Variants in ABCA12 observed in about 807,000 individuals in gnomAD.
ABCA12 encodes ATP binding cassette subfamily A member 12, also known as glucosylceramide transporter ABCA12.
Under a neutral mutation model 293.5 loss-of-function variants are expected in ABCA12, and 156 were observed. The observed-to-expected ratio is 0.53, with a 90% CI of 0.47 to 0.61. The LOEUF (loss-of-function observed/expected upper bound fraction) is 0.61, where lower values mean the gene tolerates loss of function less well. ABCA12 is among the 20% of genes least tolerant of loss of function. The pLI, the probability that ABCA12 is intolerant of heterozygous loss-of-function variation, is 0.00. For synonymous variants in ABCA12, 1,063 were observed against 1,108.0 expected, an observed-to-expected ratio of 0.96 and a Z score of 0.81; for missense variants, 2,797 against 3,090.2, an observed-to-expected ratio of 0.91 and a Z score of 2.25.
chr2:215,070,923 A>G (rs976036469), intron 2 of ABCA12, among the ~76,000 whole-genome samples: 26 of 152,106 alleles, frequency 1.7e-4, no homozygotes, highest in Non-Finnish European at 3.1e-4. Context: ...GCTCACACCT[A>G]TACTCTCGCA....
rs556845354 is a variant in ABCA12, at chr2:214,976,031, A to G, written c.5135T>C (p.Ile1712Thr). ...ATCCAGCCTCTCTCCTCTTGTCAGG[A>G]TTTTGTCTGATTAAGAAAAAGAGAT... ...SSNFTDRDDKILTRGERLDGF... is the reference protein window; with the variant it reads ...SSNFTDRDDKTLTRGERLDGF... The change falls in exon 34 of 53, where the codon ATC becomes ACC. Residue 1712 changes from isoleucine (I) to threonine (T), a missense_variant. Ile to Thr is a moderately conservative substitution (Grantham distance 89). This residue lies in a region of ABCA12 where 2,130 missense variants were observed against 2,427.0 expected (regional missense o/e 0.88). Coordinates refer to ENST00000272895, the MANE Select transcript of ABCA12 (RefSeq NM_173076.3). 11 of 1,613,994 alleles carry G rather than the reference A, an allele frequency of 6.8e-6. No individual in the cohort carries two copies. The South Asian group carries it at 1.1e-4, about 16-fold the overall frequency.
chr2:214,983,423 A>G (rs1699713795), intron 29 of ABCA12, among the ~76,000 whole-genome samples: 2 of 152,222 alleles, frequency 1.3e-5, no homozygotes, highest in African/African-American at 4.8e-5. Flanking sequence ...TCGGGGCAAT[A>G]TGGGAGCCAC....
intron 9 of ABCA12, chr2:215,030,064 A>G (rs1169316404): frequency 6.6e-6 from 1 of 152,210 alleles, no homozygotes; most frequent in East Asian, 1.9e-4. Flanking sequence ...ATCAATCACA[A>G]CAAGAGCCAA....
chr2:215,114,612 C>T (rs753030933), intron 1 of ABCA12, among the ~76,000 whole-genome samples: 1 of 152,098 alleles, frequency 6.6e-6, no homozygotes, highest in Non-Finnish European at 1.5e-5. Flanking sequence ...GAAAGCATTA[C>T]AGAAAGTGTA....
At chr2:215,113,793 T>C (rs1184323895) in intron 1 of ABCA12, among the ~76,000 whole-genome samples, 2 of 152,216 alleles carry the variant, frequency 1.3e-5, no homozygotes, top group Non-Finnish European at 2.9e-5. Flanking sequence ...CACAGTGTTA[T>C]TAGAAGAACC....
chr2:215,019,852 T>C (rs1219013844), intron 11 of ABCA12, 56 bp from the exon 12 acceptor site: 16 of 1,584,082 alleles, frequency 1.0e-5, no homozygotes, highest in Middle Eastern at 2.2e-4. Context: ...TCTACATATA[T>C]AGTAGTTGAT....
intron 1 of ABCA12, among the ~76,000 whole-genome samples, chr2:215,123,358 A>T (rs2105910351): frequency 6.6e-6 from 1 of 152,136 alleles, no homozygotes; most frequent in Non-Finnish European, 1.5e-5. Flanking sequence ...TTTAGTAGAT[A>T]TGGGGTTTCA....
At chr2:214,940,596 G>A (rs1698365565) in intron 50 of ABCA12, among the ~76,000 whole-genome samples, 1 of 152,056 alleles carries the variant, frequency 6.6e-6, no homozygotes, top group Non-Finnish European at 1.5e-5. Context: ...TCTGGTCCTG[G>A]GCTTTTTTTG....
chr2:215,039,928 T>C (rs58832328), intron 7 of ABCA12, among the ~76,000 whole-genome samples: 3,691 of 152,226 alleles, frequency 0.024, 163 homozygotes, highest in African/African-American at 0.084. Flanking sequence ...TCCAAACTTA[T>C]GGGGCATCTC....
At chr2:215,065,995 C>T (rs183811616) in intron 2 of ABCA12, among the ~76,000 whole-genome samples, 1 of 152,150 alleles carries the variant, frequency 6.6e-6, no homozygotes, top group East Asian at 1.9e-4. Context: ...AATGTTAAAC[C>T]TAAGTGAAAA....
chr2:214,960,733 C>T (rs989233112), intron 39 of ABCA12: 4 of 152,058 alleles, frequency 2.6e-5, no homozygotes, highest in African/African-American at 9.7e-5. Flanking sequence ...TGGACCACTG[C>T]TTCTAATGCA....
chr2:214,952,787 A>G (rs1290136947), intron 44 of ABCA12, among the ~76,000 whole-genome samples: 1 of 152,174 alleles, frequency 6.6e-6, no homozygotes, highest in Non-Finnish European at 1.5e-5. Context: ...TCTCCCAACC[A>G]CATGTTAAAC....
rs561291356 is a variant in ABCA12, at chr2:215,084,715, A to C, written c.164-20496T>G. On this transcript the variant is annotated intron_variant, in intron 2 of 52. Transcript: ENST00000272895. ...ATGGTTACAGTTCTCCATGAGGGTCAATTTACCTTACTGGCAAAGTTTTAT... is the reference window on the plus strand; with the variant it reads ...ATGGTTACAGTTCTCCATGAGGGTCCATTTACCTTACTGGCAAAGTTTTAT... Among the ~76,000 whole-genome samples, 3 of 152,314 alleles carry C rather than the reference A, an allele frequency of 2.0e-5. No individual in the cohort carries two copies. In the South Asian group the frequency reaches 6.2e-4, roughly 32 times the overall value.
intron 45 of ABCA12, among the ~76,000 whole-genome samples, chr2:214,950,649 C>T (rs1698736731): frequency 6.6e-6 from 1 of 151,572 alleles, no homozygotes; most frequent in Admixed American, 6.6e-5. Flanking sequence ...GGACTACAGA[C>T]GTGCGCCCCC....
At chr2:215,054,269 A>G (rs550586602) in intron 4 of ABCA12, among the ~76,000 whole-genome samples, 1 of 152,198 alleles carries the variant, frequency 6.6e-6, no homozygotes, top group South Asian at 2.1e-4. Flanking sequence ...AACCCATCCC[A>G]GCATCATCTA....
At chr2:214,948,510 G>T (rs1456675624) in intron 47 of ABCA12, 86 bp downstream of exon 47, 1 of 1,430,504 alleles carries the variant, frequency 7.0e-7, no homozygotes, top group Non-Finnish European at 9.6e-7. Flanking sequence ...GGTGGGGCAG[G>T]GGGGACAGTG....
chr2:215,136,510 G>C (rs988438074), intron 1 of ABCA12, among the ~76,000 whole-genome samples: 1 of 151,956 alleles, frequency 6.6e-6, no homozygotes, highest in African/African-American at 2.4e-5. Flanking sequence ...AAAAGAAACA[G>C]ACCTCAGCAT....
chr2:215,038,764 A>G (rs777665759), intron 7 of ABCA12, among the ~76,000 whole-genome samples: 26 of 152,206 alleles, frequency 1.7e-4, no homozygotes, highest in Non-Finnish European at 3.4e-4. Flanking sequence ...AAGACTGAAC[A>G]TTTGACAATC....
rs773539029 is a variant in ABCA12 at position 215,007,742 on chromosome 2, T to G, written c.2577A>C (p.Ala859=). 5.0e-6 allele frequency: 8 copies of G among 1,613,926 alleles called. No individual in the cohort carries two copies. The Admixed American group carries it at 1.3e-4, about 27-fold the overall frequency. The change falls in exon 19 of 53, where the codon GCA becomes GCC. Residue 859 remains alanine, a synonymous_variant. Transcript: ENST00000272895. ...FMNSFHLLNQ[A]IPMLQNTLRN... ...CATCTCATACCTGGAGCATTGGAATTGCCTGGTTTAACAGATGGAAGGAAT... is the reference window on the plus strand; with the variant it reads ...CATCTCATACCTGGAGCATTGGAATGGCCTGGTTTAACAGATGGAAGGAAT...
Sources: allele counts gnomAD v4.1 joint callset (sites outside exome capture counted in the v4.1 genomes callset), GRCh38; gene constraint gnomAD v4.1.1; regional missense constraint gnomAD v4.1.1; transcripts MANE v1.5; gene names NCBI Gene and HGNC (gene_info 2026-07-23, HGNC 2026-07-21).